Variants in WBP4 observed in about 807,000 individuals in gnomAD.
WBP4 encodes WW domain binding protein 4, also known as WW domain-binding protein 4.
A neutral mutation model predicts 55.4 loss-of-function variants in WBP4; 37 were observed. That is an observed-to-expected ratio of 0.67 (90% CI 0.51 to 0.88). The LOEUF (loss-of-function observed/expected upper bound fraction) is 0.88, where lower values mean the gene tolerates loss of function less well. Ranked by LOEUF, WBP4 falls within the 40% of genes least tolerant of loss-of-function variation. WBP4 has a pLI of 0.00. For synonymous variants in WBP4, 142 were observed against 140.2 expected (o/e 1.01, Z -0.09); for missense variants, 398 against 420.8 (o/e 0.95, Z 0.47).
chr13:41,065,805 TAACTA>T (rs1877949068), intron 4 of WBP4, among the ~76,000 whole-genome samples: 1 of 152,192 alleles, frequency 6.6e-6, no homozygotes, highest in Admixed American at 6.5e-5. Flanking sequence ...AGACCTTATT[TAACTA>T]GACTGCATCT....
chr13:41,065,049 A>G lies in WBP4; in HGVS notation c.109A>G (p.Lys37Glu). ...VEFHERGKNH[K>E]ENVAKRISEI... The stretch of plus-strand genomic sequence containing the variant: ...ATTTCATGAAAGAGGAAAGAATCAT[A>G]AGGAAAATGTGGCAAAAAGGATCAG... The change falls in exon 3 of 10, where the codon AAG becomes GAG. Residue 37 changes from lysine to glutamate, a missense_variant. By Grantham distance (56) the Lys-to-Glu change is moderately conservative. Transcript: ENST00000379487. The G allele has an allele frequency of 6.3e-7, 1 of 1,593,960 alleles. No homozygotes were observed. Among genetic ancestry groups the G allele is most frequent in the Non-Finnish European group, 8.5e-7 (1 of 1,174,932 alleles).
At chr13:41,062,898 A>G (rs1168472146) in intron 2 of WBP4, among the ~76,000 whole-genome samples, 182 bp downstream of exon 2, 3 of 151,934 alleles carry the variant, frequency 2.0e-5, no homozygotes, top group Non-Finnish European at 4.4e-5. Context: ...CTTTTCATCA[A>G]CCTGACTTTG....
rs60658317 is a variant in WBP4, at chr13:41,062,096, GTTTTTTTTTTTTTT to G, written c.2+436_2+449del. On this transcript the variant is annotated intron_variant, in intron 1 of 9. Transcript: ENST00000379487. Reference sequence around the variant, plus strand: ...GCGGCCAGCCCTGGATAGCGTAATGGTTTTTTTTTTTTTTTTTTTTTTTTTTTTGTCGGCCGTCT... The same window carrying G: ...GCGGCCAGCCCTGGATAGCGTAATGGTTTTTTTTTTTTTTGTCGGCCGTCT... 1,960 of 805,886 alleles carry G rather than the reference GTTTTTTTTTTTTTT, an allele frequency of 2.4e-3. 50 individuals carry two copies. In the African/African-American group the frequency reaches 0.054, roughly 22 times the overall value. 49.9% of individuals were successfully genotyped at this position (805,886 alleles called of 1,614,324 possible).
intron 4 of WBP4, among the ~76,000 whole-genome samples, chr13:41,067,016 G>A (rs73176955): frequency 1.1e-3 from 175 of 152,238 alleles, no homozygotes; most frequent in Non-Finnish European, 2.0e-3. Context: ...TTGAAGACAG[G>A]TCTCGCTCTG....
chr13:41,061,692 G>T lies in WBP4; in HGVS notation c.2+17G>T. On this transcript the variant is annotated intron_variant, in intron 1 of 9. Coordinates refer to ENST00000379487, the MANE Select transcript of WBP4 (RefSeq NM_007187.5). ...CGCAGTCATGTGAGTTGGGTCTCAG[G>T]CCCTGAACAACGAGGTGTTGTTTCT... 6.2e-7 allele frequency: 1 copy of T among 1,613,996 alleles called. No individual in the cohort carries two copies. The highest frequency in any genetic ancestry group is 8.5e-7 in the Non-Finnish European group (1 of 1,180,018).
chr13:41,076,478 C>G (rs1359478216), intron 8 of WBP4, among the ~76,000 whole-genome samples: 1 of 151,766 alleles, frequency 6.6e-6, no homozygotes, highest in Non-Finnish European at 1.5e-5. Context: ...CAGGGTTTTA[C>G]CATGTTAATA....
intron 2 of WBP4, 136 bp downstream of exon 2, chr13:41,062,852 C>A: frequency 1.6e-6 from 1 of 623,576 alleles, no homozygotes; most frequent in Non-Finnish European, 2.6e-6. Context: ...AGATTTCTGT[C>A]TTCTCAGTCC....
At chr13:41,070,500 A>G (rs567247187) in intron 5 of WBP4, among the ~76,000 whole-genome samples, 3 of 151,926 alleles carry the variant, frequency 2.0e-5, no homozygotes, top group Non-Finnish European at 2.9e-5. Context: ...GGCTGAGAGA[A>G]TGATGGTGCC....
At chr13:41,075,417 T>C (rs1286272378) in intron 7 of WBP4, among the ~76,000 whole-genome samples, 1 of 152,218 alleles carries the variant, frequency 6.6e-6, no homozygotes, top group Non-Finnish European at 1.5e-5. Context: ...GGTCTTGCTC[T>C]GTCCCCCAGA....
intron 4 of WBP4, 149 bp downstream of exon 4, chr13:41,065,436 C>T (rs778224199): frequency 3.5e-4 from 407 of 1,169,048 alleles, no homozygotes; most frequent in Non-Finnish European, 4.3e-4. Context: ...CCTGTTTAGA[C>T]TATGGAAGTT....
intron 2 of WBP4, 138 bp downstream of exon 2, chr13:41,062,854 TCTC>T (rs1877760509): frequency 4.8e-6 from 3 of 625,956 alleles, no homozygotes; most frequent in South Asian, 2.8e-5. Flanking sequence ...ATTTCTGTCT[TCTC>T]AGTCCCCTAT....
intron 7 of WBP4, 60 bp from the exon 8 acceptor site, chr13:41,075,984 G>T: frequency 6.6e-7 from 1 of 1,516,718 alleles, no homozygotes; most frequent in Non-Finnish European, 9.0e-7. Flanking sequence ...ATGTTATGTT[G>T]AAATTACATC....
intron 5 of WBP4, among the ~76,000 whole-genome samples, chr13:41,069,473 T>C (rs1878132184): frequency 6.6e-6 from 1 of 151,890 alleles, no homozygotes; most frequent in African/African-American, 2.4e-5. Flanking sequence ...CCATCCTAGC[T>C]AACATGGTGA....
At chr13:41,070,944 C>T (rs77234074) in intron 5 of WBP4, among the ~76,000 whole-genome samples, 9,866 of 152,156 alleles carry the variant, frequency 0.065, 752 homozygotes, top group African/African-American at 0.17. Context: ...AGAGTTTGCA[C>T]TGAGCTTTAA....
rs750879789 is a variant in WBP4 at position 41,079,862 on chromosome 13, C to T, written c.757-784C>T. The stretch of plus-strand genomic sequence containing the variant: ...AAAAAAAATGCGGTATATATACACA[C>T]GCACACACACCATGGAATACTACTC... On this transcript the variant is annotated intron_variant, in intron 8 of 9. Coordinates refer to ENST00000379487, the MANE Select transcript of WBP4 (RefSeq NM_007187.5). Among the ~76,000 whole-genome samples the T allele has an allele frequency of 9.9e-5, 15 of 152,126 alleles. No homozygotes were observed. The East Asian group carries it at 1.2e-3, about 12-fold the overall frequency.
chr13:41,081,154 G>A (rs557852953), intron 9 of WBP4, among the ~76,000 whole-genome samples: 18 of 151,870 alleles, frequency 1.2e-4, no homozygotes, highest in Admixed American at 2.6e-4. Flanking sequence ...CTGAAATCGC[G>A]CCACTGGACT....
chr13:41,080,040 A>G (rs914012665), intron 8 of WBP4, among the ~76,000 whole-genome samples: 2 of 151,166 alleles, frequency 1.3e-5, no homozygotes, highest in Non-Finnish European at 2.9e-5. Context: ...AGAATGGACT[A>G]ATAGACAGTG....
chr13:41,069,838 A>G (rs771275669), intron 5 of WBP4, among the ~76,000 whole-genome samples: 2 of 150,600 alleles, frequency 1.3e-5, no homozygotes, highest in Non-Finnish European at 2.9e-5. Flanking sequence ...AGATCGCGCC[A>G]TTTCACTCCT....
chr13:41,061,820 C>T, intron 1 of WBP4, 145 bp downstream of exon 1: 2 of 1,351,110 alleles, frequency 1.5e-6, no homozygotes, highest in Admixed American at 2.1e-5. Flanking sequence ...CGGCCCCAGA[C>T]CTGCAGGGCC....
Sources: gnomAD v4.1 joint callset for allele counts (sites outside exome capture counted in the v4.1 genomes callset) on GRCh38, gnomAD v4.1.1 for gene constraint, MANE v1.5 for transcripts, NCBI Gene and HGNC (gene_info 2026-07-23, HGNC 2026-07-21) for gene names.